BEND4: variants seen among roughly 807,000 people sequenced by gnomAD.
BEND4 encodes the protein BEN domain-containing protein 4.
BEND4 carries 27 observed loss-of-function variants against 54.7 expected under a neutral mutation model. The ratio of observed to expected loss-of-function variants is 0.49; its 90% CI spans 0.36 to 0.68. The LOEUF (loss-of-function observed/expected upper bound fraction) is 0.68, where lower values mean the gene tolerates loss of function less well. BEND4 is among the 30% of genes least tolerant of loss of function. The probability of loss-of-function intolerance (pLI) is 0.00; values close to 1 mark genes in which losing one functional copy is unlikely to be tolerated. For missense variants in BEND4, 702 were observed against 697.2 expected, an observed-to-expected ratio of 1.01 and a Z score of -0.08; for synonymous variants, 327 against 299.5, an observed-to-expected ratio of 1.09 and a Z score of -0.95.
intron 2 of BEND4, 50 bp downstream of exon 2, chr4:42,151,607 C>A (rs766707915): frequency 9.0e-5 from 128 of 1,423,402 alleles, no homozygotes; most frequent in Non-Finnish European, 1.1e-4. Context: ...GGGTCCCCTC[C>A]CGCTGCCCCC....
rs1719779858 is a variant in BEND4, at chr4:42,115,594, T to C, written c.*1924A>G. On this transcript the variant is annotated 3_prime_UTR_variant, in exon 6 of 6. Transcript: ENST00000502486. The stretch of plus-strand genomic sequence containing the variant: ...AGGCCAATGAAAAATTAAGGTAAGA[T>C]GGAAAAACAGATGAGGCTATGGTGG... 1 of 152,178 alleles carries C rather than the reference T, an allele frequency of 6.6e-6. No homozygotes were observed. Among genetic ancestry groups the C allele is most frequent in the South Asian group, 2.1e-4 (1 of 4,832 alleles). The allele number at this position is 152,178 out of a possible 1,614,324, so 9.4% of individuals were successfully genotyped here. A position where few individuals can be genotyped will look rare whatever the true frequency, so the allele number is the denominator to read the frequency against.
At chr4:42,126,296 G>A (rs1720280147) in intron 3 of BEND4, among the ~76,000 whole-genome samples, 1 of 152,164 alleles carries the variant, frequency 6.6e-6, no homozygotes, top group South Asian at 2.1e-4. Context: ...TTTGACTCAG[G>A]TTGCAGCAGT....
rs536612551 is a variant in BEND4, at chr4:42,115,154, A to T, written c.*2364T>A. ...CCAACAATTAGTCTCAACATTCAGA[A>T]TCTGTGGATGGAGAAACAGCTGATA... On this transcript the variant is annotated 3_prime_UTR_variant, in exon 6 of 6. Coordinates refer to ENST00000502486, the MANE Select transcript of BEND4 (RefSeq NM_207406.4). 56 of 152,392 alleles carry T rather than the reference A, an allele frequency of 3.7e-4. No homozygotes were observed. The highest frequency in any genetic ancestry group is 1.3e-3 in the African/African-American group (55 of 41,572). The allele number at this position is 152,392 out of a possible 1,614,324, so 9.4% of individuals were successfully genotyped here. A position where few individuals can be genotyped will look rare whatever the true frequency, so the allele number is the denominator to read the frequency against.
chr4:42,121,735 C>T (rs150488594), intron 4 of BEND4, among the ~76,000 whole-genome samples: 41 of 152,176 alleles, frequency 2.7e-4, no homozygotes, highest in African/African-American at 9.9e-4. Flanking sequence ...AGATGAGAGA[C>T]GGAGGTCTGA....
At chr4:42,144,143 TGA>T in intron 2 of BEND4, 149 bp from the exon 3 acceptor site, 1 of 696,238 alleles carries the variant, frequency 1.4e-6, no homozygotes, top group South Asian at 1.6e-5. Context: ...AAATCCACTG[TGA>T]ATAGAACGCA....
chr4:42,151,527 C>T (rs2153148372), intron 2 of BEND4, 130 bp downstream of exon 2: 3 of 968,962 alleles, frequency 3.1e-6, no homozygotes, highest in South Asian at 5.3e-5. Context: ...GGGGAGGCCC[C>T]AGGTGCGCCC....
intron 3 of BEND4, among the ~76,000 whole-genome samples, chr4:42,142,127 G>A (rs952212591): frequency 6.6e-5 from 10 of 151,548 alleles, no homozygotes; most frequent in East Asian, 4.0e-4. Flanking sequence ...GGATGGTCTC[G>A]ATCACCTGAC....
At chr4:42,141,388 G>C (rs373684962) in intron 3 of BEND4, among the ~76,000 whole-genome samples, 1 of 152,120 alleles carries the variant, frequency 6.6e-6, no homozygotes, top group African/African-American at 2.4e-5. Context: ...CTTCTTTCTA[G>C]ATCAGCTGCC....
At chr4:42,123,495 AG>A (rs1459841380) in intron 4 of BEND4, among the ~76,000 whole-genome samples, 3 of 152,138 alleles carry the variant, frequency 2.0e-5, no homozygotes, top group African/African-American at 7.2e-5. Context: ...CTATTAAGCA[AG>A]GAAACTAGTT....
chr4:42,116,485 C>A lies in BEND4; in HGVS notation c.*1033G>T, dbSNP rs1719838768. ...CACGGAGGGGATGAAATGTTTTCAT[C>A]AAGGACAATGGGAAACAAGTTTCAT... On this transcript the variant is annotated 3_prime_UTR_variant, in exon 6 of 6. Transcript: ENST00000502486. The A allele has an allele frequency of 1.3e-5, 2 of 152,136 alleles. No individual in the cohort carries two copies. Among genetic ancestry groups the A allele is most frequent in the Admixed American group, 6.5e-5 (1 of 15,276 alleles). 9.4% of individuals were successfully genotyped at this position (152,136 alleles called of 1,614,324 possible).
rs71664396 is a variant in BEND4, at chr4:42,123,694, GAAAAAAAAAA to G, written c.1146+1879_1146+1888del. Among the ~76,000 whole-genome samples the G allele has an allele frequency of 5.1e-4, 26 of 50,814 alleles. No individual in the cohort carries two copies. In the East Asian group the frequency reaches 0.011, roughly 22 times the overall value. 33.3% of individuals were successfully genotyped at this position (50,814 alleles called of 152,430 possible). A position where few individuals can be genotyped will look rare whatever the true frequency, so the allele number is the denominator to read the frequency against. ...ATATTTACTTTGGATCTGTAATTCA[GAAAAAAAAAA>G]AAAAAAAAAAAAACAACTTTCCAGG... On this transcript the variant is annotated intron_variant, in intron 4 of 5. Transcript: ENST00000502486.
Position 42,144,072 on chromosome 4 carries a change from ACATT to A in BEND4, c.488-82_488-79del, listed in dbSNP as rs561299679. 309 of 977,064 alleles carry A rather than the reference ACATT, an allele frequency of 3.2e-4. 3 individuals carry two copies. The African/African-American group carries it at 4.6e-3, about 15-fold the overall frequency. 60.5% of individuals were successfully genotyped at this position (977,064 alleles called of 1,614,324 possible). On this transcript the variant is annotated intron_variant, in intron 2 of 5. Transcript: ENST00000502486. ...AATAAAGTCCTCAATTTTCAGCTTA[ACATT>A]CAAACATGTTAAAAATATGTATTTC...
Position 42,110,857 on chromosome 4 carries a change from G to C in BEND4, c.*6661C>G, listed in dbSNP as rs910674434. ...GAGACAAGCAAAACTCTTAGCTTCAGGGAGAGAAAAGTTATGTATTCAAAG... is the reference window on the plus strand; with the variant it reads ...GAGACAAGCAAAACTCTTAGCTTCACGGAGAGAAAAGTTATGTATTCAAAG... On this transcript the variant is annotated 3_prime_UTR_variant, in exon 6 of 6. Coordinates refer to ENST00000502486, the MANE Select transcript of BEND4 (RefSeq NM_207406.4). 1 of 152,156 alleles carries C rather than the reference G, an allele frequency of 6.6e-6. No homozygotes were observed. The highest frequency in any genetic ancestry group is 2.4e-5 in the African/African-American group (1 of 41,414). 9.4% of individuals were successfully genotyped at this position (152,156 alleles called of 1,614,324 possible).
At chr4:42,144,466 G>A (rs926708677) in intron 2 of BEND4, among the ~76,000 whole-genome samples, 1 of 152,292 alleles carries the variant, frequency 6.6e-6, no homozygotes, top group Non-Finnish European at 1.5e-5. Context: ...AGAGTACATA[G>A]CTCCCAGATG....
At chr4:42,124,448 A>G (rs950288147) in intron 4 of BEND4, among the ~76,000 whole-genome samples, 6 of 152,222 alleles carry the variant, frequency 3.9e-5, no homozygotes, top group African/African-American at 1.4e-4. Flanking sequence ...GGAGAACAGT[A>G]GATGGAAAAA....
intron 2 of BEND4, 35 bp downstream of exon 2, chr4:42,151,622 G>C (rs1721287386): frequency 7.0e-7 from 1 of 1,438,082 alleles, no homozygotes. Flanking sequence ...GCCCCCGGCC[G>C]TGGCGGGAAG....
At chr4:42,119,516 C>T (rs931401528) in intron 5 of BEND4, among the ~76,000 whole-genome samples, 1 of 152,008 alleles carries the variant, frequency 6.6e-6, no homozygotes, top group Non-Finnish European at 1.5e-5. Context: ...CTGCTGAAGT[C>T]GTATTATCTC....
intron 3 of BEND4, among the ~76,000 whole-genome samples, chr4:42,129,945 T>C (rs935911542): frequency 1.3e-5 from 2 of 152,134 alleles, no homozygotes; most frequent in African/African-American, 4.8e-5. Flanking sequence ...AAGAAACTAT[T>C]ATCAGAGTCA....
rs76992148 is a variant in BEND4, at chr4:42,118,950, C to A, written c.1387+1104G>T. Among the ~76,000 whole-genome samples the A allele has an allele frequency of 3.0e-4, 46 of 152,306 alleles. No homozygotes were observed. In the East Asian group the frequency reaches 8.1e-3, roughly 27 times the overall value. On this transcript the variant is annotated intron_variant, in intron 5 of 5. Transcript: ENST00000502486. ...TGTGCCTAGTAAATACAGGCATTTTCGTCTCAGGTGGCTTCCTGAATCGTG... is the reference window on the plus strand; with the variant it reads ...TGTGCCTAGTAAATACAGGCATTTTAGTCTCAGGTGGCTTCCTGAATCGTG...
Sources: gnomAD v4.1 joint callset for allele counts (sites outside exome capture counted in the v4.1 genomes callset) on GRCh38, gnomAD v4.1.1 for gene constraint, MANE v1.5 for transcripts, NCBI Gene and HGNC (gene_info 2026-07-23, HGNC 2026-07-21) for gene names.